Variants in CTNNA3 observed in about 807,000 individuals in gnomAD.
CTNNA3 encodes catenin alpha 3.
CTNNA3 carries 76 observed loss-of-function variants against 95.7 expected under a neutral mutation model. That is an observed-to-expected ratio of 0.79 (90% CI 0.66 to 0.96). The LOEUF is 0.96. Ranked by LOEUF, CTNNA3 falls within the 40% of genes least tolerant of loss-of-function variation. The pLI, the probability that CTNNA3 is intolerant of heterozygous loss-of-function variation, is 0.00. For missense variants in CTNNA3, 1,191 were observed against 1,089.8 expected, an observed-to-expected ratio of 1.09 and a Z score of -1.31; for synonymous variants, 431 against 374.4, an observed-to-expected ratio of 1.15 and a Z score of -1.74.
chr10:66,261,836 T>C (rs1410589155), intron 13 of CTNNA3, among the ~76,000 whole-genome samples: 1 of 151,760 alleles, frequency 6.6e-6, no homozygotes, highest in Non-Finnish European at 1.5e-5. Context: ...CATGAGATGG[T>C]TTCTTCCTCT....
chr10:66,324,512 A>G (rs2092229861), intron 12 of CTNNA3, among the ~76,000 whole-genome samples: 1 of 152,158 alleles, frequency 6.6e-6, no homozygotes. Context: ...CAAGGCTAAG[A>G]CAGCATTGTA....
intron 1 of CTNNA3, among the ~76,000 whole-genome samples, chr10:67,748,821 G>T (rs1003095173): frequency 6.6e-6 from 1 of 152,166 alleles, no homozygotes; most frequent in Non-Finnish European, 1.5e-5. Context: ...ATTGAATAGA[G>T]TCAAGATGAA....
chr10:67,041,666 T>C (rs1416850820), intron 7 of CTNNA3, among the ~76,000 whole-genome samples: 1 of 152,138 alleles, frequency 6.6e-6, no homozygotes, highest in Non-Finnish European at 1.5e-5. Context: ...AAAATTGGCA[T>C]GTGTCTATTA....
At chr10:67,365,733 C>T (rs1260534896) in intron 5 of CTNNA3, among the ~76,000 whole-genome samples, 1 of 152,128 alleles carries the variant, frequency 6.6e-6, no homozygotes, top group Non-Finnish European at 1.5e-5. Flanking sequence ...ACAACAGATG[C>T]TGGAGAGGAT....
chr10:66,178,399 GTATATATATATA>G (rs71035113), intron 13 of CTNNA3, among the ~76,000 whole-genome samples: 2,305 of 91,092 alleles, frequency 0.025, 97 homozygotes, highest in Admixed American at 0.11. Context: ...CCTTGAAAGT[GTATATATATATA>G]TATATATATA....
At chr10:67,754,666 CA>C (rs1013054358) in intron 1 of CTNNA3, among the ~76,000 whole-genome samples, 1 of 151,984 alleles carries the variant, frequency 6.6e-6, no homozygotes, top group Non-Finnish European at 1.5e-5. Context: ...CACAGGCAAC[CA>C]AAGCAAAAAT....
chr10:67,273,347 C>A (rs1047481677), intron 5 of CTNNA3, among the ~76,000 whole-genome samples: 1 of 151,960 alleles, frequency 6.6e-6, no homozygotes, highest in Non-Finnish European at 1.5e-5. Flanking sequence ...ATATAAATGG[C>A]CATTAATCAC....
chr10:67,254,242 G>C (rs992351645), intron 5 of CTNNA3, among the ~76,000 whole-genome samples: 2 of 151,790 alleles, frequency 1.3e-5, no homozygotes, highest in African/African-American at 4.8e-5. Flanking sequence ...ACTATGCAGT[G>C]ACTTATAAAT....
chr10:66,333,084 C>T lies in CTNNA3; in HGVS notation c.1732+46068G>A, dbSNP rs1301916343. Reference sequence around the variant, plus strand: ...GGATCGGTGGTGATATCCCCTTTATCATTTTTTATTGAATCTATTTGATTC... The same window carrying T: ...GGATCGGTGGTGATATCCCCTTTATTATTTTTTATTGAATCTATTTGATTC... On this transcript the variant is annotated intron_variant, in intron 12 of 17. Coordinates refer to ENST00000433211, the MANE Select transcript of CTNNA3 (RefSeq NM_013266.4). Among the ~76,000 whole-genome samples the T allele has an allele frequency of 7.9e-5, 12 of 151,988 alleles. No individual in the cohort carries two copies. The East Asian group carries it at 2.3e-3, about 29-fold the overall frequency.
intron 10 of CTNNA3, among the ~76,000 whole-genome samples, chr10:66,546,279 C>T (rs973641526): frequency 2.0e-5 from 3 of 152,098 alleles, no homozygotes; most frequent in African/African-American, 4.8e-5. Flanking sequence ...TGAGGGAGAA[C>T]TCAAATTTCA....
At chr10:66,868,751 A>C (rs1256854471) in intron 7 of CTNNA3, among the ~76,000 whole-genome samples, 4 of 5,326 alleles carry the variant, frequency 7.5e-4, no homozygotes, top group Non-Finnish European at 4.0e-3. Context: ...ACTCCGTCTC[A>C]AAAAAAAAAA....
intron 13 of CTNNA3, among the ~76,000 whole-genome samples, chr10:66,197,790 G>C (rs752671205): frequency 3.9e-4 from 60 of 152,176 alleles, no homozygotes; most frequent in Non-Finnish European, 7.9e-4. Flanking sequence ...TTTATGGTGC[G>C]CTGTTCTTCC....
At chr10:66,812,951 G>A (rs887942303) in intron 7 of CTNNA3, among the ~76,000 whole-genome samples, 1 of 151,968 alleles carries the variant, frequency 6.6e-6, no homozygotes, top group Admixed American at 6.6e-5. Context: ...TCACTATTTT[G>A]TTGAAACCCA....
chr10:66,311,275 C>T (rs569392754), intron 12 of CTNNA3, among the ~76,000 whole-genome samples: 11 of 152,274 alleles, frequency 7.2e-5, no homozygotes, highest in African/African-American at 2.6e-4. Context: ...GTTTGTTGCT[C>T]TTATGGTCAT....
intron 15 of CTNNA3, among the ~76,000 whole-genome samples, chr10:66,008,349 T>C (rs1342399071): frequency 1.3e-5 from 2 of 152,210 alleles, no homozygotes; most frequent in African/African-American, 2.4e-5. Flanking sequence ...TGCCACTTAA[T>C]TGGAAAAAAA....
intron 17 of CTNNA3, among the ~76,000 whole-genome samples, chr10:65,940,939 C>G (rs1186472917): frequency 1.3e-5 from 2 of 152,174 alleles, no homozygotes; most frequent in African/African-American, 2.4e-5. Flanking sequence ...TTTACTGATT[C>G]TTGACCATGC....
chr10:67,079,761 T>A (rs182073085), intron 7 of CTNNA3, among the ~76,000 whole-genome samples: 15 of 151,828 alleles, frequency 9.9e-5, no homozygotes, highest in Non-Finnish European at 2.1e-4. Context: ...GGCAGGAGAA[T>A]CTCTTGAACC....
intron 5 of CTNNA3, among the ~76,000 whole-genome samples, chr10:67,355,436 C>CA (rs1182337371): frequency 2.0e-5 from 3 of 150,320 alleles, no homozygotes; most frequent in Non-Finnish European, 4.4e-5. Flanking sequence ...CCCTACAAAA[C>CA]AAAAAAGAAA....
chr10:66,771,961 G>A (rs2132809812), intron 8 of CTNNA3, among the ~76,000 whole-genome samples: 1 of 152,240 alleles, frequency 6.6e-6, no homozygotes, highest in Middle Eastern at 3.4e-3. Flanking sequence ...GGAAGCAATA[G>A]CATTTACACT....
Sources: allele counts gnomAD v4.1 joint callset (sites outside exome capture counted in the v4.1 genomes callset), GRCh38; gene constraint gnomAD v4.1.1; transcripts MANE v1.5; gene names NCBI Gene and HGNC (gene_info 2026-07-23, HGNC 2026-07-21).